Variants in DDX31 observed in about 807,000 individuals in gnomAD.
DDX31 encodes DEAD-box helicase 31.
DDX31 carries 70 observed loss-of-function variants against 91.3 expected under a neutral mutation model. The observed-to-expected ratio is 0.77, with a 90% CI of 0.63 to 0.94. DDX31 has a LOEUF of 0.94. Among genes scored for constraint, DDX31 ranks in the 40% least tolerant of loss-of-function variants. DDX31 has a pLI of 0.00. For missense variants in DDX31, 902 were observed against 925.0 expected (o/e 0.98, Z 0.32); for synonymous variants, 362 against 350.6 (o/e 1.03, Z -0.36).
intron 15 of DDX31, among the ~76,000 whole-genome samples, chr9:132,630,816 G>A (rs191514375): frequency 6.6e-6 from 1 of 152,234 alleles, no homozygotes; most frequent in Non-Finnish European, 1.5e-5. Flanking sequence ...AGGCCACAGG[G>A]TGAGGTGTCC....
intron 9 of DDX31, among the ~76,000 whole-genome samples, chr9:132,649,350 G>A (rs1834037319): frequency 1.3e-5 from 2 of 152,234 alleles, no homozygotes; most frequent in African/African-American, 4.8e-5. Context: ...CACCTTCAGA[G>A]GGAGCAGGTA....
chr9:132,624,166 CAAAAAAAAAAAAAA>C (rs4021852), intron 17 of DDX31, among the ~76,000 whole-genome samples: 1 of 71,470 alleles, frequency 1.4e-5, no homozygotes. Context: ...GACTCCGTCT[CAAAAAAAAAAAAAA>C]AAAAAAAAAA....
intron 16 of DDX31, 132 bp downstream of exon 16, chr9:132,630,132 A>G (rs1832630526): frequency 2.0e-6 from 2 of 1,018,980 alleles, no homozygotes; most frequent in Non-Finnish European, 2.7e-6. Context: ...GCCACTGGCT[A>G]TTCTGGGACT....
In DDX31 at chr9:132,645,907, G is replaced by A; in HGVS notation, c.1368C>T (p.Gly456=). The change falls in exon 13 of 20, where the codon GGC becomes GGT. Residue 456 remains glycine (G), a synonymous_variant. Transcript: ENST00000372159. Reference sequence around the variant, plus strand: ...GATCAGTGCTCACCTCCTGCTCCATGCCGCCATGCAGCCGTAGGAATTTTA... The same window carrying A: ...GATCAGTGCTCACCTCCTGCTCCATACCGCCATGCAGCCGTAGGAATTTTA... ...MRLKFLRLHG[G]MEQEERTAVF... 6.2e-7 allele frequency: 1 copy of A among 1,612,818 alleles called. No individual in the cohort carries two copies. Among genetic ancestry groups the A allele is most frequent in the Non-Finnish European group, 8.5e-7 (1 of 1,179,456 alleles).
intron 19 of DDX31, among the ~76,000 whole-genome samples, chr9:132,597,660 CCAGGCACCAGCGCT>C (rs1214303776): frequency 2.0e-5 from 3 of 152,192 alleles, no homozygotes. Context: ...GGAGCATCTT[CCAGGCACCAGCGCT>C]CAGGCAGTGC....
At chr9:132,628,318 C>T (rs1832520659) in intron 16 of DDX31, among the ~76,000 whole-genome samples, 1 of 152,194 alleles carries the variant, frequency 6.6e-6, no homozygotes, top group South Asian at 2.1e-4. Flanking sequence ...AGTTCCTCCC[C>T]AAAAGACCTA....
intron 13 of DDX31, among the ~76,000 whole-genome samples, chr9:132,643,310 C>G (rs1180542785): frequency 6.6e-6 from 1 of 152,192 alleles, no homozygotes; most frequent in Non-Finnish European, 1.5e-5. Context: ...AGTCATGAAG[C>G]TCTATGCACT....
intron 19 of DDX31, among the ~76,000 whole-genome samples, chr9:132,606,373 T>A (rs1029934941): frequency 1.9e-4 from 29 of 152,334 alleles, no homozygotes; most frequent in Admixed American, 8.5e-4. Flanking sequence ...CTGCAGCTTC[T>A]TAATGCTCGT....
At chr9:132,626,694 G>A (rs886980889) in intron 16 of DDX31, among the ~76,000 whole-genome samples, 5 of 151,690 alleles carry the variant, frequency 3.3e-5, no homozygotes, top group African/African-American at 1.2e-4. Flanking sequence ...AACCTCTTAG[G>A]TGGGAGAAGA....
intron 1 of DDX31, chr9:132,663,423 T>C: frequency 1.0e-6 from 1 of 985,394 alleles, no homozygotes; most frequent in Non-Finnish European, 1.2e-6. Context: ...TGATTGCGGA[T>C]TACAGGCTAC....
At chr9:132,663,887 G>C (rs1835142252) in intron 1 of DDX31, among the ~76,000 whole-genome samples, 1 of 152,156 alleles carries the variant, frequency 6.6e-6, no homozygotes, top group Non-Finnish European at 1.5e-5. Context: ...TAAAGAAAGA[G>C]ATGAAATCAA....
At chr9:132,607,354 T>G (rs1461065176) in intron 19 of DDX31, among the ~76,000 whole-genome samples, 1 of 152,196 alleles carries the variant, frequency 6.6e-6, no homozygotes, top group Non-Finnish European at 1.5e-5. Context: ...TTGAGAAAAT[T>G]TATACAAATA....
intron 7 of DDX31, 27 bp from the exon 8 acceptor site, chr9:132,651,143 G>T: frequency 6.4e-7 from 1 of 1,569,296 alleles, no homozygotes; most frequent in Non-Finnish European, 8.7e-7. Flanking sequence ...AGTTATAGAT[G>T]ATGAACAGGA....
intron 18 of DDX31, among the ~76,000 whole-genome samples, chr9:132,613,421 C>T (rs548510162): frequency 6.6e-6 from 1 of 152,140 alleles, no homozygotes; most frequent in Non-Finnish European, 1.5e-5. Context: ...CGGCCGGGCG[C>T]GGTGGCTCAA....
At chr9:132,669,138 A>G (rs1835527085) in intron 1 of DDX31, among the ~76,000 whole-genome samples, 2 of 152,228 alleles carry the variant, frequency 1.3e-5, no homozygotes, top group South Asian at 4.1e-4. Context: ...AGTGTTTCCT[A>G]TTCAGATCTT....
chr9:132,665,522 G>A (rs1021625801), intron 1 of DDX31, among the ~76,000 whole-genome samples: 1 of 152,194 alleles, frequency 6.6e-6, no homozygotes, highest in Non-Finnish European at 1.5e-5. Flanking sequence ...AGGGAGGCAA[G>A]AAAACCAAGA....
chr9:132,618,179 A>C, intron 18 of DDX31, 151 bp downstream of exon 18: 1 of 534,334 alleles, frequency 1.9e-6, no homozygotes, highest in Non-Finnish European at 3.2e-6. Flanking sequence ...CTGCTTCCAA[A>C]CCCTGCAGAA....
intron 1 of DDX31, among the ~76,000 whole-genome samples, chr9:132,668,796 C>CTGACCTCG (rs1835496757): frequency 6.6e-6 from 1 of 152,166 alleles, no homozygotes; most frequent in African/African-American, 2.4e-5. Flanking sequence ...TCTCGATCTC[C>CTGACCTCG]TGACCTCGTG....
At position 132,646,992 on chromosome 9, in the gene DDX31, T is replaced by C. The variant is rs761504990; in HGVS notation, c.1034A>G (p.His345Arg). The C allele has an allele frequency of 8.7e-6, 14 of 1,614,260 alleles. No individual in the cohort carries two copies. The highest frequency in any genetic ancestry group is 1.0e-5 in the Non-Finnish European group (12 of 1,180,046). The change falls in exon 12 of 20, where the codon CAT becomes CGT. Residue 345 changes from histidine (H) to arginine (R), a missense_variant. Physicochemically the swap from His to Arg is conservative, Grantham distance 29. Coordinates refer to ENST00000372159, the MANE Select transcript of DDX31 (RefSeq NM_022779.9). ...PVSISVLDKS[H>R]DQLNPKDKAV... ...TTTGTCCTTTGGGTTCAACTGGTCA[T>C]GGCTCTTGTCCAGGACAGAAATACT...
Sources: gnomAD v4.1 joint callset for allele counts (sites outside exome capture counted in the v4.1 genomes callset) on GRCh38, gnomAD v4.1.1 for gene constraint, MANE v1.5 for transcripts, NCBI Gene and HGNC (gene_info 2026-07-23, HGNC 2026-07-21) for gene names.